The following ANXA6 variants were observed in gnomAD, a reference collection of about 807,000 sequenced individuals.
The protein encoded by ANXA6 is 67 kDa calelectrin.
Under a neutral mutation model 95.4 loss-of-function variants are expected in ANXA6, and 71 were observed. That is an observed-to-expected ratio of 0.74 (90% CI 0.61 to 0.91). The LOEUF (loss-of-function observed/expected upper bound fraction) is 0.91, where lower values mean the gene tolerates loss of function less well. ANXA6 is among the 40% of genes least tolerant of loss of function. The probability of loss-of-function intolerance (pLI) is 0.00; values close to 1 mark genes in which losing one functional copy is unlikely to be tolerated. For missense variants in ANXA6, 830 were observed against 876.4 expected (o/e 0.95, Z 0.67); for synonymous variants, 289 against 315.9 (o/e 0.91, Z 0.90).
chr5:151,132,514 TC>T lies in ANXA6; in HGVS notation c.697del (p.Glu233SerfsTer9). ...GKPIEASIRG[E>X]LSGDFEKLML... is the part of the protein sequence containing the mutation. ...TAGCTTCTCAAAGTCCCCAGACAGC[TC>T]CCCTCGGATGCTGGCTTCAATCGGC... On this transcript the variant is annotated frameshift_variant, in exon 10 of 26. Transcript: ENST00000354546. LOFTEE classifies it high-confidence loss of function. 6.2e-7 allele frequency: 1 copy of T among 1,613,326 alleles called. No homozygotes were observed. The highest frequency in any genetic ancestry group is 8.5e-7 in the Non-Finnish European group (1 of 1,179,698).
chr5:151,136,175 TG>T, intron 7 of ANXA6, 80 bp downstream of exon 7: 1 of 1,366,752 alleles, frequency 7.3e-7, no homozygotes, highest in Non-Finnish European at 1.0e-6. Context: ...GACCAGACCC[TG>T]GACATTCAGA....
chr5:151,133,464 A>C, intron 8 of ANXA6: 1 of 356,400 alleles, frequency 2.8e-6, no homozygotes, highest in Non-Finnish European at 5.1e-6. Flanking sequence ...GGTATAGCCT[A>C]TTGCTCCTAG....
At chr5:151,130,257 C>G (rs1024244462) in intron 11 of ANXA6, among the ~76,000 whole-genome samples, 2 of 149,426 alleles carry the variant, frequency 1.3e-5, no homozygotes, top group African/African-American at 5.0e-5. Flanking sequence ...TTTGAAGAGG[C>G]AGGGTCTCAC....
chr5:151,122,978 G>A lies in ANXA6; in HGVS notation c.1172C>T (p.Thr391Met), dbSNP rs764487344. Reference sequence around the variant, plus strand: ...CTGCCGCTGGACATTGCTGCGGTGCGTGATGATATCGATGATTGTGTCTTC... The same window carrying A: ...CTGCCGCTGGACATTGCTGCGGTGCATGATGATATCGATGATTGTGTCTTC... ...TDEDTIIDII[T>M]HRSNVQRQQI... is the part of the protein sequence containing the mutation. Residue 391 changes from threonine (T) to methionine (M), a missense_variant, in exon 16 of 26, where the codon ACG becomes ATG. Transcript: ENST00000354546. 2.6e-5 allele frequency: 42 copies of A among 1,613,776 alleles called. No individual in the cohort carries two copies. Among genetic ancestry groups the A allele is most frequent in the African/African-American group, 4.0e-5 (3 of 74,936 alleles).
At chr5:151,101,550 A>T (rs142283911) in intron 25 of ANXA6, 43 bp from the exon 26 acceptor site, 1 of 1,513,028 alleles carries the variant, frequency 6.6e-7, no homozygotes, top group Admixed American at 2.0e-5. Flanking sequence ...CAGTCCTTCC[A>T]GTCTCAATGC....
intron 2 of ANXA6, among the ~76,000 whole-genome samples, chr5:151,145,663 A>G (rs1358380333): frequency 6.6e-6 from 1 of 152,114 alleles, no homozygotes; most frequent in East Asian, 1.9e-4. Context: ...GTTTTGGAGG[A>G]CACCAGATTC....
At chr5:151,141,010 C>T (rs940368135) in intron 2 of ANXA6, among the ~76,000 whole-genome samples, 1 of 152,270 alleles carries the variant, frequency 6.6e-6, no homozygotes, top group Non-Finnish European at 1.5e-5. Flanking sequence ...AGACAAGGCA[C>T]TGCCCCTCTG....
At position 151,108,683 on chromosome 5, in the gene ANXA6, C is replaced by T. The variant is rs1764766615; in HGVS notation, c.1685-133G>A. ...GGAAGGGCAGCAAATATGGCCACAG[C>T]CCAGGCCTAAATGCATTGGGCAAGA... On this transcript the variant is annotated intron_variant, in intron 22 of 25. Coordinates refer to ENST00000354546, the MANE Select transcript of ANXA6 (RefSeq NM_001155.5). The T allele has an allele frequency of 4.0e-6, 3 of 755,892 alleles. No homozygotes were observed. The South Asian group carries it at 4.6e-5, about 12-fold the overall frequency. The allele number at this position is 755,892 out of a possible 1,614,324, so 46.8% of individuals were successfully genotyped here. A position where few individuals can be genotyped will look rare whatever the true frequency, so the allele number is the denominator to read the frequency against.
chr5:151,134,173 C>G (rs1052262813), intron 8 of ANXA6, among the ~76,000 whole-genome samples: 1 of 152,204 alleles, frequency 6.6e-6, no homozygotes, highest in East Asian at 1.9e-4. Context: ...TCAATAATAT[C>G]TAAAAACTGA....
At chr5:151,102,046 T>C (rs964698183) in intron 25 of ANXA6, among the ~76,000 whole-genome samples, 2 of 152,152 alleles carry the variant, frequency 1.3e-5, no homozygotes, top group Admixed American at 6.5e-5. Flanking sequence ...TGCCAAGCCA[T>C]TGCTGGGAAT....
intron 4 of ANXA6, 43 bp downstream of exon 4, chr5:151,139,310 T>C: frequency 7.1e-7 from 1 of 1,402,292 alleles, no homozygotes. Context: ...ATGAAATCAT[T>C]CTTCCACCCG....
intron 2 of ANXA6, among the ~76,000 whole-genome samples, chr5:151,147,198 A>G (rs1255393382): frequency 6.6e-6 from 1 of 152,226 alleles, no homozygotes; most frequent in Non-Finnish European, 1.5e-5. Context: ...GTCAGACATG[A>G]GAGACTGAGG....
rs371950946 is a variant in ANXA6 at position 151,133,178 on chromosome 5, C to T, written c.556G>A (p.Glu186Lys). 3.5e-5 allele frequency: 55 copies of T among 1,584,772 alleles called. No individual in the cohort carries two copies. The African/African-American group carries it at 5.0e-4, about 14-fold the overall frequency. The change falls in exon 9 of 26, where the codon GAG becomes AAG. Residue 186 changes from glutamate (E) to lysine (K), a missense_variant. Transcript: ENST00000354546. The stretch of plus-strand genomic sequence containing the variant: ...GTTCCCCATTTCAGTTCCCCTGCCT[C>T]GTATAGGTCCTGAAGGGGAAGAGGT... ...LVQQDVQDLY[E>K]AGELKWGTDE...
intron 20 of ANXA6, among the ~76,000 whole-genome samples, chr5:151,113,263 G>A (rs990238035): frequency 6.6e-6 from 1 of 152,134 alleles, no homozygotes. Flanking sequence ...TTAGCCGGGT[G>A]TGGTGGCAGG....
intron 21 of ANXA6, among the ~76,000 whole-genome samples, chr5:151,110,151 C>G (rs1436299660): frequency 6.6e-6 from 1 of 152,164 alleles, no homozygotes; most frequent in Non-Finnish European, 1.5e-5. Flanking sequence ...CTGAGCATAG[C>G]AACTGGGAGT....
At chr5:151,123,276 G>C (rs1765223300) in intron 15 of ANXA6, among the ~76,000 whole-genome samples, 1 of 152,198 alleles carries the variant, frequency 6.6e-6, no homozygotes, top group Admixed American at 6.5e-5. Context: ...CAGTGCCTCT[G>C]AGTTCTAGTT....
chr5:151,152,919 G>C (rs1013339795), intron 1 of ANXA6, among the ~76,000 whole-genome samples: 1 of 152,172 alleles, frequency 6.6e-6, no homozygotes, highest in Non-Finnish European at 1.5e-5. Context: ...GAGATGTTGA[G>C]CGTAAGGGGG....
chr5:151,157,187 G>A (rs1166082178), intron 1 of ANXA6, among the ~76,000 whole-genome samples: 4 of 152,130 alleles, frequency 2.6e-5, no homozygotes, highest in Non-Finnish European at 4.4e-5. Context: ...CTCTCTGCAC[G>A]CAGGCAGCCC....
At chr5:151,124,045 T>A (rs3815721) in intron 15 of ANXA6, among the ~76,000 whole-genome samples, 5 of 152,012 alleles carry the variant, frequency 3.3e-5, no homozygotes, top group African/African-American at 7.3e-5. Context: ...AGGATACTGC[T>A]TCCAGGAGGC....
Sources: allele counts gnomAD v4.1 joint callset (sites outside exome capture counted in the v4.1 genomes callset), GRCh38; gene constraint gnomAD v4.1.1; transcripts MANE v1.5; gene names NCBI Gene and HGNC (gene_info 2026-07-23, HGNC 2026-07-21).